The following ARHGAP18 variants were observed in gnomAD, a reference collection of about 807,000 sequenced individuals.
The protein encoded by ARHGAP18 is rho GTPase-activating protein 18.
A neutral mutation model predicts 86.2 loss-of-function variants in ARHGAP18; 67 were observed. That is an observed-to-expected ratio of 0.78 (90% CI 0.64 to 0.95). The LOEUF (loss-of-function observed/expected upper bound fraction) is 0.95, where lower values mean the gene tolerates loss of function less well. Among genes scored for constraint, ARHGAP18 ranks in the 40% least tolerant of loss-of-function variants. The pLI, the probability that ARHGAP18 is intolerant of heterozygous loss-of-function variation, is 0.00. For synonymous variants in ARHGAP18, 283 were observed against 280.4 expected (o/e 1.01, Z -0.09); for missense variants, 691 against 780.4 (o/e 0.89, Z 1.37).
intron 4 of ARHGAP18, among the ~76,000 whole-genome samples, chr6:129,633,144 T>G (rs1466219550): frequency 1.3e-5 from 2 of 152,090 alleles, no homozygotes; most frequent in Non-Finnish European, 1.5e-5. Context: ...ATAGTAACTT[T>G]TGGCTGGGCA....
intron 6 of ARHGAP18, among the ~76,000 whole-genome samples, chr6:129,617,639 TAA>T (rs927818976): frequency 1.4e-5 from 2 of 147,140 alleles, no homozygotes; most frequent in East Asian, 2.0e-4. Flanking sequence ...ACATAAGAAT[TAA>T]AAAAAAAAAC....
chr6:129,670,176 T>A (rs1184094553), intron 1 of ARHGAP18, among the ~76,000 whole-genome samples: 1 of 152,248 alleles, frequency 6.6e-6, no homozygotes, highest in Non-Finnish European at 1.5e-5. Flanking sequence ...AGAATTTTAT[T>A]TGTGACTACA....
rs370438566 is a variant in ARHGAP18, at chr6:129,690,074, A to G, written c.113+19950T>C. ...AGCACTTTGGCCAAACAGTCCGTTT[A>G]TAATGTTTTATTCATTACAAAATCA... On this transcript the variant is annotated intron_variant, in intron 1 of 14. Coordinates refer to ENST00000368149, the MANE Select transcript of ARHGAP18 (RefSeq NM_033515.3). Among the ~76,000 whole-genome samples, 9 of 152,336 alleles carry G rather than the reference A, an allele frequency of 5.9e-5. No homozygotes were observed. In the South Asian group the frequency reaches 1.9e-3, roughly 32 times the overall value.
chr6:129,624,945 C>CAA (rs1294862554), intron 5 of ARHGAP18, among the ~76,000 whole-genome samples: 24 of 122,206 alleles, frequency 2.0e-4, no homozygotes, highest in Non-Finnish European at 3.8e-4. Flanking sequence ...AACTCCATTT[C>CAA]AAAAATATAT....
intron 1 of ARHGAP18, among the ~76,000 whole-genome samples, chr6:129,672,265 A>G (rs1036555532): frequency 2.6e-5 from 4 of 152,140 alleles, no homozygotes; most frequent in Admixed American, 1.3e-4. Flanking sequence ...ACGGTACATC[A>G]AGTCTCACTA....
At chr6:129,585,756 A>ATCC (rs1263583114) in intron 12 of ARHGAP18, among the ~76,000 whole-genome samples, 3 of 152,208 alleles carry the variant, frequency 2.0e-5, no homozygotes, top group African/African-American at 7.2e-5. Flanking sequence ...TGGTCATAGC[A>ATCC]TCCTCCTCTA....
At chr6:129,684,238 T>A (rs1341576908) in intron 1 of ARHGAP18, among the ~76,000 whole-genome samples, 2 of 152,206 alleles carry the variant, frequency 1.3e-5, no homozygotes, top group Non-Finnish European at 2.9e-5. Flanking sequence ...TGGCTACATA[T>A]CTGTGGTTTC....
Position 129,653,331 on chromosome 6 carries a change from G to A in ARHGAP18, c.114-11313C>T, listed in dbSNP as rs747921703. The stretch of plus-strand genomic sequence containing the variant: ...AACAATTAAAAACAGCAGCACTTCC[G>A]TGGTAAATACCTAGATAGGAAAAAA... On this transcript the variant is annotated intron_variant, in intron 1 of 14. Coordinates refer to ENST00000368149, the MANE Select transcript of ARHGAP18 (RefSeq NM_033515.3). 5.9e-5 allele frequency among the ~76,000 whole-genome samples: 9 copies of A among 152,166 alleles called. 1 individual carries two copies. The highest frequency in any genetic ancestry group is 4.1e-4 in the South Asian group (2 of 4,824).
rs144039256 is a variant in ARHGAP18, at chr6:129,634,054, G to C, written c.604C>G (p.Gln202Glu). Residue 202 changes from glutamine (Q) to glutamate (E), a missense_variant, in exon 4 of 15, where the codon CAA becomes GAA. By Grantham distance (29) the Gln-to-Glu change is conservative. Transcript: ENST00000368149. ...AGGTTCAACATACCATCTCTTCCTT[G>C]GTATTTGTTTTCATTTGTTCTAAGT... is the stretch of plus-strand genomic sequence containing the variant. ...QSLRTNENKY[Q>E]GRDDEASNLV... 2.4e-5 allele frequency: 39 copies of C among 1,611,252 alleles called. No individual in the cohort carries two copies. The African/African-American group carries it at 5.0e-4, about 20-fold the overall frequency.
chr6:129,668,916 T>A (rs1774095000), intron 1 of ARHGAP18, among the ~76,000 whole-genome samples: 1 of 152,218 alleles, frequency 6.6e-6, no homozygotes. Context: ...GAACTCTGGG[T>A]ATAATATCTA....
In ARHGAP18 at chr6:129,578,341, A is replaced by G. The variant is rs529340512; in HGVS notation, c.*172T>C. The G allele has an allele frequency of 1.3e-5, 4 of 308,668 alleles. No homozygotes were observed. Among genetic ancestry groups the G allele is most frequent in the South Asian group, 1.3e-4 (1 of 7,650 alleles). 19.1% of individuals were successfully genotyped at this position (308,668 alleles called of 1,614,324 possible). ...AATAATAACATTAATAATAATTAAT[A>G]TAATTCTGGCAGCAGCACAAATCTA... On this transcript the variant is annotated 3_prime_UTR_variant, in exon 15 of 15. Coordinates refer to ENST00000368149, the MANE Select transcript of ARHGAP18 (RefSeq NM_033515.3).
chr6:129,679,243 G>A (rs537235637), intron 1 of ARHGAP18, among the ~76,000 whole-genome samples: 1 of 152,246 alleles, frequency 6.6e-6, no homozygotes, highest in African/African-American at 2.4e-5. Context: ...AATTAATATT[G>A]ATTCTTCAAT....
At chr6:129,673,132 G>A (rs1232094047) in intron 1 of ARHGAP18, among the ~76,000 whole-genome samples, 1 of 152,096 alleles carries the variant, frequency 6.6e-6, no homozygotes, top group Non-Finnish European at 1.5e-5. Flanking sequence ...TTAAAAATAT[G>A]CTTCTGCATA....
chr6:129,630,683 A>G (rs1773182401), intron 4 of ARHGAP18, among the ~76,000 whole-genome samples: 1 of 152,202 alleles, frequency 6.6e-6, no homozygotes, highest in South Asian at 2.1e-4. Context: ...ATCTAGTCTT[A>G]TTCAGTCCCA....
chr6:129,616,267 A>AAT lies in ARHGAP18; in HGVS notation c.987_988dup (p.Leu330TyrfsTer2). On this transcript the variant is annotated frameshift_variant, in exon 7 of 15. Coordinates refer to ENST00000368149, the MANE Select transcript of ARHGAP18 (RefSeq NM_033515.3). LOFTEE classifies it high-confidence loss of function. ...TGGTACTTTCCTCTGATCTTGTTCT[A>AAT]ATAGCGCTGTCAATGGAACGCAAAA... 6.2e-7 allele frequency: 1 copy of AAT among 1,611,208 alleles called. No homozygotes were observed. The highest frequency in any genetic ancestry group is 8.5e-7 in the Non-Finnish European group (1 of 1,178,484).
chr6:129,653,838 C>T (rs984400756), intron 1 of ARHGAP18, among the ~76,000 whole-genome samples: 5 of 151,744 alleles, frequency 3.3e-5, no homozygotes, highest in African/African-American at 9.7e-5. Flanking sequence ...AAAAAAAATC[C>T]GACTCACCAG....
intron 5 of ARHGAP18, among the ~76,000 whole-genome samples, chr6:129,622,124 T>C (rs1460946324): frequency 6.6e-6 from 1 of 152,118 alleles, no homozygotes; most frequent in Non-Finnish European, 1.5e-5. Flanking sequence ...GTCCACTAAA[T>C]GAATGGAGAC....
At chr6:129,677,610 T>C (rs1303404162) in intron 1 of ARHGAP18, among the ~76,000 whole-genome samples, 1 of 152,238 alleles carries the variant, frequency 6.6e-6, no homozygotes, top group East Asian at 1.9e-4. Context: ...GTTATATTTG[T>C]GTGTGCTATT....
At position 129,709,509 on chromosome 6, in the gene ARHGAP18, T is replaced by C. The variant is rs558789147; in HGVS notation, c.113+515A>G. Among the ~76,000 whole-genome samples the C allele has an allele frequency of 9.2e-5, 14 of 152,336 alleles. 1 individual carries two copies. The highest frequency in any genetic ancestry group is 3.1e-4 in the African/African-American group (13 of 41,576). ...CATACACAAAAGAATGTGAAACATA[T>C]TGCCACAGGCCAGTGTCTTGGGCTT... On this transcript the variant is annotated intron_variant, in intron 1 of 14. Transcript: ENST00000368149.
Sources: allele counts gnomAD v4.1 joint callset (sites outside exome capture counted in the v4.1 genomes callset), GRCh38; gene constraint gnomAD v4.1.1; transcripts MANE v1.5; gene names NCBI Gene and HGNC (gene_info 2026-07-23, HGNC 2026-07-21).